Variants in TMEM132B observed in about 807,000 individuals in gnomAD.
TMEM132B encodes the protein transmembrane protein 132B.
A neutral mutation model predicts 90.8 loss-of-function variants in TMEM132B; 18 were observed. That is an observed-to-expected ratio of 0.20 (90% confidence interval 0.14 to 0.29). The LOEUF (loss-of-function observed/expected upper bound fraction) is 0.29, where lower values mean the gene tolerates loss of function less well. TMEM132B is among the 10% of genes least tolerant of loss of function. The probability of loss-of-function intolerance (pLI) is 1.00; values close to 1 mark genes in which losing one functional copy is unlikely to be tolerated. For missense variants in TMEM132B, 1,096 were observed against 1,326.8 expected (o/e 0.83, Z 2.70); for synonymous variants, 504 against 523.3 (o/e 0.96, Z 0.50).
chr12:125,235,114 G>A (rs1181039875), intron 1 of TMEM132B, among the ~76,000 whole-genome samples: 1 of 152,152 alleles, frequency 6.6e-6, no homozygotes, highest in African/African-American at 2.4e-5. Context: ...CTCACTGGTG[G>A]TCATGGTGGA....
At chr12:125,300,882 A>G (rs148535643) in intron 1 of TMEM132B, 1,507 of 150,530 alleles carry the variant, frequency 0.01, 15 homozygotes, top group South Asian at 0.029. Flanking sequence ...TACCTGTACT[A>G]TGCCTGCACT....
chr12:125,593,374 G>T (rs1885364645), intron 5 of TMEM132B, among the ~76,000 whole-genome samples: 6 of 152,162 alleles, frequency 3.9e-5, no homozygotes, highest in Admixed American at 1.3e-4. Flanking sequence ...CTCTGGAATT[G>T]TTTCTGCATA....
At chr12:125,476,571 G>GCTA (rs2077319120) in intron 3 of TMEM132B, among the ~76,000 whole-genome samples, 1 of 152,142 alleles carries the variant, frequency 6.6e-6, no homozygotes, top group Non-Finnish European at 1.5e-5. Context: ...CTACCTCTTA[G>GCTA]CTACTGTGAA....
At chr12:125,428,476 T>A (rs1880399147) in intron 3 of TMEM132B, among the ~76,000 whole-genome samples, 1 of 152,208 alleles carries the variant, frequency 6.6e-6, no homozygotes, top group Non-Finnish European at 1.5e-5. Flanking sequence ...TCATATTATA[T>A]CATTATTATA....
At chr12:125,231,278 C>A (rs1873815401) in intron 1 of TMEM132B, among the ~76,000 whole-genome samples, 1 of 151,908 alleles carries the variant, frequency 6.6e-6, no homozygotes, top group South Asian at 2.1e-4. Context: ...GGACCCCAGT[C>A]ATTGAATTTA....
intron 4 of TMEM132B, among the ~76,000 whole-genome samples, chr12:125,521,319 C>T (rs907248327): frequency 1.3e-5 from 2 of 152,160 alleles, no homozygotes; most frequent in Admixed American, 1.3e-4. Flanking sequence ...TCTTCCCCTT[C>T]CCCTTCTCCT....
chr12:125,321,909 A>G (rs1876436086), intron 1 of TMEM132B, among the ~76,000 whole-genome samples: 1 of 152,200 alleles, frequency 6.6e-6, no homozygotes, highest in African/African-American at 2.4e-5. Context: ...ACTGGAAACA[A>G]CCTAAATGTC....
chr12:125,385,375 G>A (rs1187461408), intron 2 of TMEM132B, among the ~76,000 whole-genome samples: 1 of 152,136 alleles, frequency 6.6e-6, no homozygotes, highest in East Asian at 1.9e-4. Context: ...CTCTGATTTT[G>A]GGAGGAGGTT....
chr12:125,595,689 G>A (rs1885422745), intron 5 of TMEM132B, among the ~76,000 whole-genome samples: 1 of 152,180 alleles, frequency 6.6e-6, no homozygotes, highest in African/African-American at 2.4e-5. Context: ...GATGCACAGG[G>A]AAGTTAATCA....
intron 1 of TMEM132B, among the ~76,000 whole-genome samples, chr12:125,203,012 C>T (rs1036955032): frequency 6.6e-6 from 1 of 152,206 alleles, no homozygotes; most frequent in Non-Finnish European, 1.5e-5. Flanking sequence ...ATCCCGTTGC[C>T]TGGCACTGTC....
intron 2 of TMEM132B, among the ~76,000 whole-genome samples, chr12:125,391,248 C>T (rs907249459): frequency 2.0e-5 from 3 of 152,106 alleles, no homozygotes; most frequent in South Asian, 2.1e-4. Context: ...CGGTTAAGTT[C>T]GTGTCAAGGT....
intron 3 of TMEM132B, among the ~76,000 whole-genome samples, chr12:125,507,034 A>G (rs1882864199): frequency 2.0e-5 from 3 of 152,250 alleles, no homozygotes; most frequent in South Asian, 4.1e-4. Flanking sequence ...AAATTTCCTC[A>G]TGCTCCTATG....
intron 2 of TMEM132B, among the ~76,000 whole-genome samples, chr12:125,385,703 A>G (rs547837910): frequency 6.6e-6 from 1 of 152,346 alleles, no homozygotes; most frequent in African/African-American, 2.4e-5. Flanking sequence ...ATTGATCTAA[A>G]CAACAGTCTA....
intron 4 of TMEM132B, among the ~76,000 whole-genome samples, chr12:125,532,208 AC>A (rs1208569624): frequency 6.6e-6 from 1 of 152,198 alleles, no homozygotes; most frequent in African/African-American, 2.4e-5. Context: ...GGAAAAATAG[AC>A]CCAGCTAAGC....
Position 125,654,391 on chromosome 12 carries a change from A to T in TMEM132B, c.2933A>T (p.Asp978Val). 1 of 1,613,142 alleles carries T rather than the reference A, an allele frequency of 6.2e-7. No individual in the cohort carries two copies. Residue 978 changes from aspartate to valine, a missense_variant, in exon 9 of 9, where the codon GAC (aspartate) becomes GTC (valine). Asp to Val is a radical substitution (Grantham distance 152). Coordinates refer to ENST00000682704, the MANE Select transcript of TMEM132B (RefSeq NM_001366854.1). The surrounding 1 kb of genome is among the most constrained non-coding windows in gnomAD (Gnocchi z 5.8). The part of the protein sequence containing the change: ...LPSEECTTMI[D>V]RGLQFEERNF... ...TCAGAGGAGTGCACAACCATGATAG[A>T]CAGGGGCCTGCAGTTCGAGGAGAGG...
intron 3 of TMEM132B, among the ~76,000 whole-genome samples, chr12:125,433,575 T>C (rs182392397): frequency 1.3e-4 from 19 of 151,228 alleles, no homozygotes; most frequent in African/African-American, 4.6e-4. Flanking sequence ...ATTGTGCAGG[T>C]TAGTTACATA....
At chr12:125,425,215 A>T (rs962963891) in intron 3 of TMEM132B, among the ~76,000 whole-genome samples, 1 of 152,202 alleles carries the variant, frequency 6.6e-6, no homozygotes, top group Non-Finnish European at 1.5e-5. Flanking sequence ...GTTTTAAGCC[A>T]TTGAAGTTAT....
At chr12:125,245,769 G>A (rs1339675285) in intron 1 of TMEM132B, among the ~76,000 whole-genome samples, 4 of 152,138 alleles carry the variant, frequency 2.6e-5, no homozygotes, top group Non-Finnish European at 5.9e-5. Flanking sequence ...AGGCAGTGCC[G>A]GGGGAGTGCT....
At chr12:125,300,208 T>C (rs914018744) in intron 1 of TMEM132B, among the ~76,000 whole-genome samples, 1 of 152,100 alleles carries the variant, frequency 6.6e-6, no homozygotes, top group Non-Finnish European at 1.5e-5. Context: ...TCTTTTTTTT[T>C]TGGTACATGT....
Sources: gnomAD v4.1 joint callset for allele counts (sites outside exome capture counted in the v4.1 genomes callset) on GRCh38, gnomAD v4.1.1 for gene constraint, Gnocchi (gnomAD v3.1) non-coding constraint, MANE v1.5 for transcripts, NCBI Gene and HGNC (gene_info 2026-07-23, HGNC 2026-07-21) for gene names.